N4BP2: variants seen among roughly 807,000 people sequenced by gnomAD.
The protein encoded by N4BP2 is NEDD4-binding protein 2.
In N4BP2, 91 loss-of-function variants were observed where a neutral mutation model predicts 152.8. That is an observed-to-expected ratio of 0.60 (90% CI 0.50 to 0.71). The LOEUF is 0.71. Ranked by LOEUF, N4BP2 falls within the 30% of genes least tolerant of loss-of-function variation. The probability of loss-of-function intolerance (pLI) is 0.00; values close to 1 mark genes in which losing one functional copy is unlikely to be tolerated. For synonymous variants in N4BP2, 646 were observed against 705.3 expected, an observed-to-expected ratio of 0.92 and a Z score of 1.33; for missense variants, 1,923 against 2,059.1, an observed-to-expected ratio of 0.93 and a Z score of 1.28.
At chr4:40,160,366 A>G (rs1721826495), downstream of N4BP2, among the ~76,000 whole-genome samples, 1 of 152,202 alleles carries the variant, frequency 6.6e-6, no homozygotes, top group African/African-American at 2.4e-5. Context: ...GTATGCGTTT[A>G]GTAGAAACCA....
chr4:40,183,133 A>C, the N4BP2 span, among the ~76,000 whole-genome samples: 1 of 152,144 alleles, frequency 6.6e-6, no homozygotes, highest in East Asian at 1.9e-4. Flanking sequence ...GTCATAATGC[A>C]CAGATACAAT....
chr4:40,149,056 C>A (rs1414190659), intron 16 of N4BP2, among the ~76,000 whole-genome samples: 3 of 152,184 alleles, frequency 2.0e-5, no homozygotes, highest in Non-Finnish European at 2.9e-5. Context: ...TTCACTAGTT[C>A]TTTGAAAGGT....
At chr4:40,168,674 A>T in the N4BP2 span, among the ~76,000 whole-genome samples, 1 of 152,082 alleles carries the variant, frequency 6.6e-6, no homozygotes, top group African/African-American at 2.4e-5. Context: ...TGCTTTAATA[A>T]ATATATATAG....
the N4BP2 span, among the ~76,000 whole-genome samples, chr4:40,181,043 G>A: frequency 6.6e-6 from 1 of 152,110 alleles, no homozygotes; most frequent in Admixed American, 6.5e-5. Flanking sequence ...CCAGCTACTC[G>A]GGAGGCTGAG....
chr4:40,112,813 C>T (rs908326003), intron 6 of N4BP2, among the ~76,000 whole-genome samples: 2 of 152,064 alleles, frequency 1.3e-5, no homozygotes, highest in Non-Finnish European at 2.9e-5. Flanking sequence ...AATCGATTCT[C>T]CTGCCTCAGA....
the N4BP2 span, among the ~76,000 whole-genome samples, chr4:40,183,398 C>A: frequency 1.3e-5 from 2 of 150,344 alleles, no homozygotes; most frequent in African/African-American, 4.9e-5. Context: ...TGCAGTGGCG[C>A]GATCTCTGCT....
At chr4:40,176,089 CAAA>C in the N4BP2 span, among the ~76,000 whole-genome samples, 622 of 83,508 alleles carry the variant, frequency 7.4e-3, 2 homozygotes, top group African/African-American at 0.027. Context: ...GACTCCGTCT[CAAA>C]AAAAAAAAAA....
intron 2 of N4BP2, among the ~76,000 whole-genome samples, chr4:40,084,492 G>A (rs1385940587): frequency 6.7e-6 from 1 of 150,162 alleles, no homozygotes; most frequent in African/African-American, 2.5e-5. Flanking sequence ...CTGGAGTGCA[G>A]TGGCACAATC....
At chr4:40,164,598 G>T in the N4BP2 span, among the ~76,000 whole-genome samples, 1 of 152,278 alleles carries the variant, frequency 6.6e-6, no homozygotes, top group African/African-American at 2.4e-5. Context: ...GTTGAAGAAA[G>T]AATTATAAGG....
At chr4:40,154,143 C>G (rs754109904) in intron 17 of N4BP2, 49 bp from the exon 18 acceptor site, 17 of 1,305,238 alleles carry the variant, frequency 1.3e-5, no homozygotes, top group Non-Finnish European at 1.8e-5. Flanking sequence ...TATTCCTTAG[C>G]TAATTTGAAA....
At chr4:40,116,764 G>T (rs951652055) in intron 7 of N4BP2, among the ~76,000 whole-genome samples, 5 of 152,026 alleles carry the variant, frequency 3.3e-5, no homozygotes, top group Admixed American at 3.3e-4. Context: ...GTAAGGGTCT[G>T]CTTGGTGTCA....
intron 3 of N4BP2, among the ~76,000 whole-genome samples, chr4:40,101,708 GGTAA>G (rs1715673083): frequency 6.6e-6 from 1 of 152,086 alleles, no homozygotes; most frequent in Non-Finnish European, 1.5e-5. Context: ...GCATGCAATA[GGTAA>G]GTATTTGTTA....
rs7670176 is a variant in N4BP2 at position 40,080,719 on chromosome 4, G to A, written c.-115+7168G>A. Among the ~76,000 whole-genome samples the A allele has an allele frequency of 4.9e-3, 741 of 151,712 alleles. 9 individuals carry two copies. The highest frequency in any genetic ancestry group is 0.017 in the African/African-American group (712 of 41,348). ...TCTCGCCCGGCTGGAGTGCAGTGGC[G>A]TGATCTTGGCTCACTGCAAGCTCCG... On this transcript the variant is annotated intron_variant, in intron 2 of 17. Coordinates refer to ENST00000261435, the MANE Select transcript of N4BP2 (RefSeq NM_018177.6).
At chr4:40,142,456 A>G in intron 14 of N4BP2, 1 of 482,868 alleles carries the variant, frequency 2.1e-6, no homozygotes, top group South Asian at 3.3e-5. Flanking sequence ...ATCTCCCGAG[A>G]GTGGTTAAAG....
intron 2 of N4BP2, among the ~76,000 whole-genome samples, chr4:40,096,641 T>TAGG (rs1317103680): frequency 6.6e-6 from 1 of 152,066 alleles, no homozygotes; most frequent in Non-Finnish European, 1.5e-5. Flanking sequence ...AACCAAGAGA[T>TAGG]AGGAGACTTA....
rs1438667260 is a variant in N4BP2, at chr4:40,136,981, G to A, written c.4684G>A (p.Val1562Ile). ...ACACACAGTGCAATTTCTTAACTGT[G>A]TTCTTGAAGGGGACCCTGTAAAAAC... is the stretch of plus-strand genomic sequence containing the variant. ...LEHTVQFLNC[V>I]LEGDPVKTVV... Residue 1562 changes from valine (V) to isoleucine (I), a missense_variant, in exon 14 of 18, where the codon GTT becomes ATT. Transcript: ENST00000261435. The A allele has an allele frequency of 1.2e-6, 2 of 1,613,210 alleles. No homozygotes were observed. The highest frequency in any genetic ancestry group is 1.3e-5 in the African/African-American group (1 of 74,870).
At chr4:40,089,986 T>C (rs994285990) in intron 2 of N4BP2, among the ~76,000 whole-genome samples, 4 of 152,248 alleles carry the variant, frequency 2.6e-5, no homozygotes, top group African/African-American at 9.6e-5. Flanking sequence ...GTTTATTTTT[T>C]ACTGATTGAT....
chr4:40,170,969 T>C, the N4BP2 span, among the ~76,000 whole-genome samples: 1 of 152,182 alleles, frequency 6.6e-6, no homozygotes, highest in Non-Finnish European at 1.5e-5. Flanking sequence ...ATGTTTATGA[T>C]TGAGAGATTT....
At chr4:40,093,722 T>C (rs1232745543) in intron 2 of N4BP2, among the ~76,000 whole-genome samples, 5 of 152,146 alleles carry the variant, frequency 3.3e-5, no homozygotes, top group African/African-American at 1.2e-4. Flanking sequence ...GTTCAAACGA[T>C]TCTCCTGCTT....
Sources: gnomAD v4.1 joint callset for allele counts (sites outside exome capture counted in the v4.1 genomes callset) on GRCh38, gnomAD v4.1.1 for gene constraint, MANE v1.5 for transcripts, NCBI Gene and HGNC (gene_info 2026-07-23, HGNC 2026-07-21) for gene names.